NEURL1B: variants seen among roughly 807,000 people sequenced by gnomAD.
NEURL1B encodes E3 ubiquitin-protein ligase NEURL1B.
A neutral mutation model predicts 37.4 loss-of-function variants in NEURL1B; 13 were observed. That is an observed-to-expected ratio of 0.35 (90% CI 0.23 to 0.55). The LOEUF (loss-of-function observed/expected upper bound fraction) is 0.55. NEURL1B is among the 20% of genes least tolerant of loss of function. The pLI is 0.89. For missense variants in NEURL1B, 790 were observed against 879.2 expected, an observed-to-expected ratio of 0.90 and a Z score of 1.28; for synonymous variants, 432 against 426.6, an observed-to-expected ratio of 1.01 and a Z score of -0.16.
rs1352498502 is a variant in NEURL1B at position 172,641,389 on chromosome 5, G to T, written c.-18G>T. ...GCGCCCAGAGCGCGCCGCCGCCAACGCCGCGCCCGACGCAGCGATGGGCAA... is the reference window on the plus strand; with the variant it reads ...GCGCCCAGAGCGCGCCGCCGCCAACTCCGCGCCCGACGCAGCGATGGGCAA... On this transcript the variant is annotated 5_prime_UTR_variant, in exon 1 of 5. Transcript: ENST00000369800. This position sits in a 1 kb window ranked among gnomAD's most constrained non-coding sequence, Gnocchi z 6.4. The T allele has an allele frequency of 3.2e-5, 45 of 1,384,648 alleles. No homozygotes were observed. Among genetic ancestry groups the T allele is most frequent in the Non-Finnish European group, 4.0e-5 (43 of 1,069,496 alleles). 85.8% of individuals were successfully genotyped at this position (1,384,648 alleles called of 1,614,324 possible).
chr5:172,687,151 C>G lies in NEURL1B; in HGVS notation c.*226C>G. On this transcript the variant is annotated 3_prime_UTR_variant, in exon 5 of 5. Coordinates refer to ENST00000369800, the MANE Select transcript of NEURL1B (RefSeq NM_001142651.3). ...CAAAAGGCCGTCCCAAGAGCAAGCTCAGGAACTGCCTGGCAGATCACCCTG... is the reference window on the plus strand; with the variant it reads ...CAAAAGGCCGTCCCAAGAGCAAGCTGAGGAACTGCCTGGCAGATCACCCTG... 7.4e-6 allele frequency: 4 copies of G among 541,146 alleles called. No homozygotes were observed. Among genetic ancestry groups the G allele is most frequent in the Non-Finnish European group, 3.3e-6 (1 of 301,892 alleles). 33.5% of individuals were successfully genotyped at this position (541,146 alleles called of 1,614,324 possible). A position where few individuals can be genotyped will look rare whatever the true frequency, so the allele number is the denominator to read the frequency against.
In NEURL1B at chr5:172,686,524, G is replaced by A. The variant is rs906771381; in HGVS notation, c.1424-157G>A. Among the ~76,000 whole-genome samples the A allele has an allele frequency of 6.6e-6, 1 of 152,142 alleles. No individual in the cohort carries two copies. Among genetic ancestry groups the A allele is most frequent in the Admixed American group, 6.5e-5 (1 of 15,278 alleles). On this transcript the variant is annotated intron_variant, in intron 4 of 4. Coordinates refer to ENST00000369800, the MANE Select transcript of NEURL1B (RefSeq NM_001142651.3). The surrounding 1 kb of genome is among the most constrained non-coding windows in gnomAD (Gnocchi z 7.9). ...TGGTGTTTGGGAGTAGAAGAGTAGA[G>A]AAAGGTGCAAAACCTGCAAGGTAAA...
rs1336632075 is a variant in NEURL1B at position 172,675,147 on chromosome 5, G to GGAGA, written c.577+4817_577+4818insGAGA. 1.3e-5 allele frequency among the ~76,000 whole-genome samples: 2 copies of GGAGA among 152,184 alleles called. No individual in the cohort carries two copies. Among genetic ancestry groups the GGAGA allele is most frequent in the African/African-American group, 4.8e-5 (2 of 41,434 alleles). On this transcript the variant is annotated intron_variant, in intron 2 of 4. Transcript: ENST00000369800. The surrounding 1 kb of genome is among the most constrained non-coding windows in gnomAD (Gnocchi z 4.7). ...CCGCCTCGGCCTCCAAAAGTGCTGG[G>GGAGA]ATTACAGGCATGAGCCACCATGCCT...
At chr5:172,651,059 G>T (rs527737843) in intron 1 of NEURL1B, among the ~76,000 whole-genome samples, 1 of 152,192 alleles carries the variant, frequency 6.6e-6, no homozygotes, top group Non-Finnish European at 1.5e-5. Context: ...ATCGAAAAAG[G>T]TTGCTTTACG....
At position 172,683,912 on chromosome 5, in the gene NEURL1B, C is replaced by G; in HGVS notation, c.1071C>G (p.Ala357=). The G allele has an allele frequency of 2.1e-6, 3 of 1,411,000 alleles. No individual in the cohort carries two copies. Among genetic ancestry groups the G allele is most frequent in the Non-Finnish European group, 2.8e-6 (3 of 1,077,152 alleles). The allele number at this position is 1,411,000 out of a possible 1,614,324, so 87.4% of individuals were successfully genotyped here. A position where few individuals can be genotyped will look rare whatever the true frequency, so the allele number is the denominator to read the frequency against. The change falls in exon 3 of 5, where the codon GCC becomes GCG. Residue 357 remains alanine (A), a synonymous_variant. Coordinates refer to ENST00000369800, the MANE Select transcript of NEURL1B (RefSeq NM_001142651.3). The surrounding 1 kb of genome is among the most constrained non-coding windows in gnomAD (Gnocchi z 5.6). ...TGCTACGGCCCAACGAGCTGCCCGCCGACCCAGACGCGCTGCTCGACCGCA... is the reference window on the plus strand; with the variant it reads ...TGCTACGGCCCAACGAGCTGCCCGCGGACCCAGACGCGCTGCTCGACCGCA... ...PGVLRPNELP[A]DPDALLDRKE... is the part of the protein sequence containing the mutation.
rs1247699461 is a variant in NEURL1B at position 172,676,611 on chromosome 5, G to C, written c.577+6281G>C. On this transcript the variant is annotated intron_variant, in intron 2 of 4. Coordinates refer to ENST00000369800, the MANE Select transcript of NEURL1B (RefSeq NM_001142651.3). The surrounding 1 kb of genome is among the most constrained non-coding windows in gnomAD (Gnocchi z 4.5). ...AAGAAAAGCTGGGTGCTGTTACCAGGAGAAGGGGAGTGGATGCCAGGCAGC... is the reference window on the plus strand; with the variant it reads ...AAGAAAAGCTGGGTGCTGTTACCAGCAGAAGGGGAGTGGATGCCAGGCAGC... Among the ~76,000 whole-genome samples the C allele has an allele frequency of 6.6e-6, 1 of 152,216 alleles. No homozygotes were observed. Among genetic ancestry groups the C allele is most frequent in the African/African-American group, 2.4e-5 (1 of 41,456 alleles).
chr5:172,672,495 C>G (rs942812371), intron 2 of NEURL1B, among the ~76,000 whole-genome samples: 1 of 151,242 alleles, frequency 6.6e-6, no homozygotes, highest in Non-Finnish European at 1.5e-5. Context: ...TTGGAAGCAG[C>G]CTTTGATGAC....
Position 172,641,547 on chromosome 5 carries a change from C to A in NEURL1B, c.31+110C>A. 6.0e-6 allele frequency: 6 copies of A among 1,000,178 alleles called. No homozygotes were observed. Among genetic ancestry groups the A allele is most frequent in the Non-Finnish European group, 7.8e-6 (6 of 774,172 alleles). 62.0% of individuals were successfully genotyped at this position (1,000,178 alleles called of 1,614,324 possible). A position where few individuals can be genotyped will look rare whatever the true frequency, so the allele number is the denominator to read the frequency against. ...CACGGCCCTTGGAGCCCTCGGCTCG[C>A]AGCGGGCTGGAGTCTCCGGTACCTC... On this transcript the variant is annotated intron_variant, in intron 1 of 4. Coordinates refer to ENST00000369800, the MANE Select transcript of NEURL1B (RefSeq NM_001142651.3). The surrounding 1 kb of genome is among the most constrained non-coding windows in gnomAD (Gnocchi z 6.4).
At chr5:172,674,731 G>C (rs1380989376) in intron 2 of NEURL1B, among the ~76,000 whole-genome samples, 1 of 152,150 alleles carries the variant, frequency 6.6e-6, no homozygotes, top group Non-Finnish European at 1.5e-5. Flanking sequence ...TGGGAGTCAA[G>C]TTCTTCGGAC....
rs1042580569 is a variant in NEURL1B, at chr5:172,670,206, C to T, written c.453C>T (p.His151=). Residue 151 remains histidine (H), a synonymous_variant, in exon 2 of 5, where the codon CAC becomes CAT. Coordinates refer to ENST00000369800, the MANE Select transcript of NEURL1B (RefSeq NM_001142651.3). ...DTVLAYWADR[H]GRVFYSVNDG... ...TGCTGGCCTACTGGGCCGACCGCCA[C>T]GGCCGCGTGTTCTACAGCGTGAACG... 4 of 1,455,786 alleles carry T rather than the reference C, an allele frequency of 2.7e-6. No homozygotes were observed. The highest frequency in any genetic ancestry group is 2.9e-5 in the African/African-American group (2 of 67,902). The allele number at this position is 1,455,786 out of a possible 1,614,324, so 90.2% of individuals were successfully genotyped here. A position where few individuals can be genotyped will look rare whatever the true frequency, so the allele number is the denominator to read the frequency against.
chr5:172,654,900 G>A (rs750036633), intron 1 of NEURL1B, among the ~76,000 whole-genome samples: 2 of 152,120 alleles, frequency 1.3e-5, no homozygotes, highest in Non-Finnish European at 2.9e-5. Context: ...AAGGAATAGG[G>A]TACACTGGTT....
In NEURL1B at chr5:172,683,344, G is replaced by C. The variant is rs35734755; in HGVS notation, c.578-75G>C. 2 of 1,256,636 alleles carry C rather than the reference G, an allele frequency of 1.6e-6. No individual in the cohort carries two copies. The highest frequency in any genetic ancestry group is 5.4e-5 in the South Asian group (2 of 36,924). The allele number at this position is 1,256,636 out of a possible 1,614,324, so 77.8% of individuals were successfully genotyped here. A position where few individuals can be genotyped will look rare whatever the true frequency, so the allele number is the denominator to read the frequency against. On this transcript the variant is annotated intron_variant, in intron 2 of 4. Coordinates refer to ENST00000369800, the MANE Select transcript of NEURL1B (RefSeq NM_001142651.3). The surrounding 1 kb of genome is among the most constrained non-coding windows in gnomAD (Gnocchi z 5.6). Reference sequence around the variant, plus strand: ...CGGTCGTGGAGGCCTGCAGGAGGCAGCGGGCGAGGAGGGGCTCGCGACCAG... The same window carrying C: ...CGGTCGTGGAGGCCTGCAGGAGGCACCGGGCGAGGAGGGGCTCGCGACCAG...
At position 172,647,261 on chromosome 5, in the gene NEURL1B, G is replaced by A. The variant is rs889903564; in HGVS notation, c.31+5824G>A. On this transcript the variant is annotated intron_variant, in intron 1 of 4. Transcript: ENST00000369800. The surrounding 1 kb of genome is among the most constrained non-coding windows in gnomAD (Gnocchi z 4.2). ...AGAGCAGAGAGGGAAGAGGGAGGGC[G>A]CCAGGTCGCAGCCCGACAGGTAGCA... is the stretch of plus-strand genomic sequence containing the variant. 6.6e-6 allele frequency among the ~76,000 whole-genome samples: 1 copy of A among 152,148 alleles called. No individual in the cohort carries two copies. Among genetic ancestry groups the A allele is most frequent in the Non-Finnish European group, 1.5e-5 (1 of 68,010 alleles).
intron 1 of NEURL1B, among the ~76,000 whole-genome samples, chr5:172,644,753 G>T (rs1357135067): frequency 6.6e-6 from 1 of 152,190 alleles, no homozygotes; most frequent in African/African-American, 2.4e-5. Flanking sequence ...ACTGAGACCT[G>T]TCTGACTCCT....
rs1758431894 is a variant in NEURL1B, at chr5:172,684,148, C to A, written c.1297+10C>A. The A allele has an allele frequency of 4.1e-6, 5 of 1,230,296 alleles. No homozygotes were observed. Among genetic ancestry groups the A allele is most frequent in the South Asian group, 3.4e-5 (1 of 29,666 alleles). The allele number at this position is 1,230,296 out of a possible 1,614,324, so 76.2% of individuals were successfully genotyped here. On this transcript the variant is annotated intron_variant, in intron 3 of 4. Transcript: ENST00000369800. ...CAGCTGCGTCTCCTCGGTGAGTCCC[C>A]GGCCCCGCGTGCGCGAGGCCCCGCC...
At chr5:172,656,483 T>C in intron 1 of NEURL1B, 1 of 1,575,662 alleles carries the variant, frequency 6.3e-7, no homozygotes, top group Non-Finnish European at 8.7e-7. Context: ...ACAGATGAAA[T>C]AAAGGGTCAC....
intron 1 of NEURL1B, chr5:172,656,757 A>C (rs1451166127): frequency 1.2e-6 from 1 of 805,922 alleles, no homozygotes; most frequent in Non-Finnish European, 2.1e-6. Flanking sequence ...TAAAAGTAGA[A>C]GGCAAAGAAT....
In NEURL1B at chr5:172,664,362, T is replaced by C. The variant is rs562277885; in HGVS notation, c.32-5423T>C. 3.3e-5 allele frequency among the ~76,000 whole-genome samples: 5 copies of C among 152,194 alleles called. No individual in the cohort carries two copies. The East Asian group carries it at 7.7e-4, about 24-fold the overall frequency. On this transcript the variant is annotated intron_variant, in intron 1 of 4. Coordinates refer to ENST00000369800, the MANE Select transcript of NEURL1B (RefSeq NM_001142651.3). ...GTTTTAAGAATTAGCTGGTATCATG[T>C]GTCAAAAAAAATCCAGCACAGCCAT...
chr5:172,644,235 G>A (rs563191466), intron 1 of NEURL1B, among the ~76,000 whole-genome samples: 3 of 152,280 alleles, frequency 2.0e-5, no homozygotes, highest in Admixed American at 2.0e-4. Flanking sequence ...TAACATCCCT[G>A]CAATGTAGGC....
Sources: gnomAD v4.1 joint callset for allele counts (sites outside exome capture counted in the v4.1 genomes callset) on GRCh38, gnomAD v4.1.1 for gene constraint, Gnocchi (gnomAD v3.1) non-coding constraint, MANE v1.5 for transcripts, NCBI Gene and HGNC (gene_info 2026-07-23, HGNC 2026-07-21) for gene names.